The following KDELR2 variants were observed in gnomAD, a reference collection of about 807,000 sequenced individuals.
KDELR2 encodes KDEL endoplasmic reticulum protein retention receptor 2, also known as ER lumen protein-retaining receptor 2.
A neutral mutation model predicts 23.9 loss-of-function variants in KDELR2; 15 were observed. The observed-to-expected ratio is 0.63, with a 90% CI of 0.42 to 0.97. The LOEUF is 0.97. Ranked by LOEUF, KDELR2 falls within the 50% of genes least tolerant of loss-of-function variation. The probability of loss-of-function intolerance (pLI) is 0.00; values close to 1 mark genes in which losing one functional copy is unlikely to be tolerated. For synonymous variants in KDELR2, 119 were observed against 106.2 expected, an observed-to-expected ratio of 1.12 and a Z score of -0.74; for missense variants, 272 against 254.6, an observed-to-expected ratio of 1.07 and a Z score of -0.46.
At chr7:6,463,202 A>G (rs769985807) in intron 4 of KDELR2, 27 bp from the exon 5 acceptor site, 1 of 1,588,616 alleles carries the variant, frequency 6.3e-7, no homozygotes, top group South Asian at 1.1e-5. Flanking sequence ...AAGAAAAGAA[A>G]ACAAAAGGTT....
intron 1 of KDELR2, among the ~76,000 whole-genome samples, chr7:6,483,222 C>T (rs914224865): frequency 2.4e-4 from 37 of 152,106 alleles, no homozygotes; most frequent in Non-Finnish European, 4.0e-4. Flanking sequence ...GGTCCCCGGG[C>T]GCCGCAGTTT....
rs1261128342 is a variant in KDELR2 at position 6,467,768 on chromosome 7, GA to G, written c.352-1446del. On this transcript the variant is annotated intron_variant, in intron 3 of 4. Transcript: ENST00000258739. ...AGCGAGACTCTGTCTCAAAAAAAAA[GA>G]AAAGTCCAGGCACTCCCAGCACCCA... Among the ~76,000 whole-genome samples the G allele has an allele frequency of 5.3e-5, 8 of 152,020 alleles. No individual in the cohort carries two copies. The South Asian group carries it at 1.0e-3, about 20-fold the overall frequency.
intron 1 of KDELR2, among the ~76,000 whole-genome samples, chr7:6,477,212 C>T (rs567455390): frequency 1.9e-4 from 29 of 152,146 alleles, no homozygotes; most frequent in Admixed American, 3.9e-4. Flanking sequence ...CATGGAGTAG[C>T]GTCCACGCAG....
intron 3 of KDELR2, among the ~76,000 whole-genome samples, chr7:6,467,945 A>G (rs1251505773): frequency 6.6e-6 from 1 of 152,192 alleles, no homozygotes; most frequent in East Asian, 1.9e-4. Context: ...TCCTAAAGGC[A>G]AGAGGTGCAG....
intron 2 of KDELR2, among the ~76,000 whole-genome samples, chr7:6,472,116 C>G (rs1355479365): frequency 6.6e-6 from 1 of 152,174 alleles, no homozygotes; most frequent in Non-Finnish European, 1.5e-5. Flanking sequence ...TGGTCTCGAT[C>G]TCCTCACCAT....
chr7:6,476,295 G>A lies in KDELR2; in HGVS notation c.92-2011C>T, dbSNP rs549689392. Among the ~76,000 whole-genome samples, 6 of 84,148 alleles carry A rather than the reference G, an allele frequency of 7.1e-5. No homozygotes were observed. In the South Asian group the frequency reaches 1.6e-3, roughly 22 times the overall value. The allele number at this position is 84,148 out of a possible 152,430, so 55.2% of individuals were successfully genotyped here. ...ACCAAAGGGCCAAAGGAGGAGACAC[G>A]GACAGTGAATCTGCTCTTAGTCTTT... On this transcript the variant is annotated intron_variant, in intron 1 of 4. Coordinates refer to ENST00000258739, the MANE Select transcript of KDELR2 (RefSeq NM_006854.4).
intron 1 of KDELR2, among the ~76,000 whole-genome samples, chr7:6,481,187 G>T (rs1421618047): frequency 6.6e-6 from 1 of 151,978 alleles, no homozygotes; most frequent in African/African-American, 2.4e-5. Context: ...TGGCCAACAT[G>T]GTGAAACTCT....
At chr7:6,483,281 C>T (rs1038222080) in intron 1 of KDELR2, among the ~76,000 whole-genome samples, 1 of 152,140 alleles carries the variant, frequency 6.6e-6, no homozygotes, top group Non-Finnish European at 1.5e-5. Flanking sequence ...AGATCGTTTC[C>T]CAAAGCAGCA....
chr7:6,463,403 A>G (rs1785428833), intron 4 of KDELR2, among the ~76,000 whole-genome samples: 1 of 152,134 alleles, frequency 6.6e-6, no homozygotes, highest in East Asian at 1.9e-4. Flanking sequence ...AGTAAAATAT[A>G]GCTTATGTAG....
intron 1 of KDELR2, among the ~76,000 whole-genome samples, chr7:6,480,955 T>C (rs561638704): frequency 7.9e-5 from 12 of 152,332 alleles, no homozygotes; most frequent in South Asian, 2.1e-4. Context: ...CCGGGAATAC[T>C]TGGCAAACAC....
At chr7:6,473,391 C>T (rs1239349825) in intron 2 of KDELR2, among the ~76,000 whole-genome samples, 1 of 152,170 alleles carries the variant, frequency 6.6e-6, no homozygotes, top group Admixed American at 6.6e-5. Context: ...TAGGTGTTCA[C>T]AAGCATGAAT....
chr7:6,462,813 TAAAA>T lies in KDELR2; in HGVS notation c.*324_*327del. 1.8e-6 allele frequency: 1 copy of T among 566,594 alleles called. No homozygotes were observed. Among genetic ancestry groups the T allele is most frequent in the Admixed American group, 3.8e-5 (1 of 26,042 alleles). 35.1% of individuals were successfully genotyped at this position (566,594 alleles called of 1,614,324 possible). A position where few individuals can be genotyped will look rare whatever the true frequency, so the allele number is the denominator to read the frequency against. On this transcript the variant is annotated 3_prime_UTR_variant, in exon 5 of 5. Transcript: ENST00000258739. ...AAGAGTTTCAAAGAATTTTTTAAAA[TAAAA>T]AAAAAATTTGCACTTATTCCTCACA...
In KDELR2 at chr7:6,462,066, C is replaced by T. The variant is rs957476606; in HGVS notation, c.*1075G>A. ...TGTTTTTTAGGATGGTAACATAAGTCATGCAACAGCTCTGTAAAACAAAAC... is the reference window on the plus strand; with the variant it reads ...TGTTTTTTAGGATGGTAACATAAGTTATGCAACAGCTCTGTAAAACAAAAC... On this transcript the variant is annotated 3_prime_UTR_variant, in exon 5 of 5. Transcript: ENST00000258739. 3.3e-5 allele frequency: 5 copies of T among 152,018 alleles called. No homozygotes were observed. The highest frequency in any genetic ancestry group is 1.2e-4 in the African/African-American group (5 of 41,396). The allele number at this position is 152,018 out of a possible 1,614,324, so 9.4% of individuals were successfully genotyped here.
rs192170597 is a variant in KDELR2 at position 6,468,607 on chromosome 7, G to A, written c.351+989C>T. On this transcript the variant is annotated intron_variant, in intron 3 of 4. Transcript: ENST00000258739. ...TGCAAGCTCCGCCTCCCAGGTTCAC[G>A]CCATTCTCCTGCCTCAGCCTCCCAA... Among the ~76,000 whole-genome samples the A allele has an allele frequency of 7.0e-3, 1,063 of 152,276 alleles. 15 individuals are homozygous for A. Among genetic ancestry groups the A allele is most frequent in the African/African-American group, 0.022 (930 of 41,564 alleles).
intron 1 of KDELR2, among the ~76,000 whole-genome samples, chr7:6,482,857 T>C (rs1190944258): frequency 1.4e-5 from 2 of 143,896 alleles, no homozygotes; most frequent in African/African-American, 5.1e-5. Context: ...AAAAAAAAGT[T>C]AGCCAGGCAT....
At chr7:6,467,769 A>G (rs902475930) in intron 3 of KDELR2, among the ~76,000 whole-genome samples, 1 of 152,080 alleles carries the variant, frequency 6.6e-6, no homozygotes, top group Admixed American at 6.6e-5. Context: ...AAAAAAAAAG[A>G]AAAGTCCAGG....
intron 1 of KDELR2, 96 bp downstream of exon 1, chr7:6,483,871 A>T: frequency 4.1e-6 from 4 of 983,764 alleles, no homozygotes; most frequent in Admixed American, 4.4e-5. Flanking sequence ...GGGCCGGCGC[A>T]GGCCCCGCGA....
At chr7:6,464,494 G>T (rs1382842934) in intron 4 of KDELR2, among the ~76,000 whole-genome samples, 3 of 152,066 alleles carry the variant, frequency 2.0e-5, no homozygotes, top group Non-Finnish European at 4.4e-5. Flanking sequence ...ACTCCAGCCT[G>T]TGTGACAGAG....
chr7:6,462,669 C>T lies in KDELR2; in HGVS notation c.*472G>A. 1 of 261,192 alleles carries T rather than the reference C, an allele frequency of 3.8e-6. No individual in the cohort carries two copies. The highest frequency in any genetic ancestry group is 7.2e-6 in the Non-Finnish European group (1 of 138,090). 16.2% of individuals were successfully genotyped at this position (261,192 alleles called of 1,614,324 possible). A position where few individuals can be genotyped will look rare whatever the true frequency, so the allele number is the denominator to read the frequency against. On this transcript the variant is annotated 3_prime_UTR_variant, in exon 5 of 5. Transcript: ENST00000258739. ...TGAACATAGTGTCTCAGATTTCAAA[C>T]AAATACAGCTCATCTTTTGCCAAAA...
Sources: allele counts gnomAD v4.1 joint callset (sites outside exome capture counted in the v4.1 genomes callset), GRCh38; gene constraint gnomAD v4.1.1; transcripts MANE v1.5; gene names NCBI Gene and HGNC (gene_info 2026-07-23, HGNC 2026-07-21).